SLCO3A1: variants seen among roughly 807,000 people sequenced by gnomAD.
SLCO3A1 encodes the protein solute carrier organic anion transporter family member 3A1, also known as PGE1 transporter.
A neutral mutation model predicts 63.1 loss-of-function variants in SLCO3A1; 27 were observed. The ratio of observed to expected loss-of-function variants is 0.43; its 90% CI spans 0.32 to 0.59. The LOEUF (loss-of-function observed/expected upper bound fraction) is 0.59, where lower values mean the gene tolerates loss of function less well. Ranked by LOEUF, SLCO3A1 falls within the 20% of genes least tolerant of loss-of-function variation. The probability of loss-of-function intolerance (pLI) is 0.09; values close to 1 mark genes in which losing one functional copy is unlikely to be tolerated. For synonymous variants in SLCO3A1, 473 were observed against 409.9 expected (o/e 1.15, Z -1.86); for missense variants, 773 against 945.8 (o/e 0.82, Z 2.40).
rs1255786193 is a variant in SLCO3A1 at position 91,875,933 on chromosome 15, T to C, written c.180+21845T>C. Among the ~76,000 whole-genome samples the C allele has an allele frequency of 1.3e-5, 2 of 152,194 alleles. No individual in the cohort carries two copies. Among genetic ancestry groups the C allele is most frequent in the Non-Finnish European group, 2.9e-5 (2 of 68,024 alleles). ...CCTAAAATAGCTGCTATCTGGCCTT[T>C]ACAGAAAAGGTTTGCTACCCCTGCT... is the stretch of plus-strand genomic sequence containing the variant. On this transcript the variant is annotated intron_variant, in intron 1 of 9. Coordinates refer to ENST00000318445, the MANE Select transcript of SLCO3A1 (RefSeq NM_013272.4). The surrounding 1 kb of genome is among the most constrained non-coding windows in gnomAD (Gnocchi z 4.5).
At chr15:92,002,661 T>C (rs1019754288) in intron 2 of SLCO3A1, among the ~76,000 whole-genome samples, 1 of 152,196 alleles carries the variant, frequency 6.6e-6, no homozygotes, top group African/African-American at 2.4e-5. Flanking sequence ...AAAGATATTC[T>C]CCGAAATTAG....
rs886521847 is a variant in SLCO3A1, at chr15:91,899,270, G to C, written c.181-16723G>C. Among the ~76,000 whole-genome samples the C allele has an allele frequency of 6.6e-5, 10 of 152,214 alleles. No homozygotes were observed. In the East Asian group the frequency reaches 9.6e-4, roughly 15 times the overall value. On this transcript the variant is annotated intron_variant, in intron 1 of 9. Transcript: ENST00000318445. ...CTTAGAAGGGAAGCTAGTTCAGTGT[G>C]GGGGGGATGGGGCTATTTTGCAGGC...
intron 2 of SLCO3A1, among the ~76,000 whole-genome samples, chr15:92,024,552 G>A (rs901318829): frequency 1.3e-5 from 2 of 152,208 alleles, no homozygotes; most frequent in South Asian, 2.1e-4. Context: ...ACCCACTCAT[G>A]TCTGCCTAAC....
At chr15:91,880,582 C>T (rs370329141) in intron 1 of SLCO3A1, among the ~76,000 whole-genome samples, 1 of 152,046 alleles carries the variant, frequency 6.6e-6, no homozygotes, top group Non-Finnish European at 1.5e-5. Context: ...TGTCATTTTA[C>T]GAATGTTACT....
Position 91,882,672 on chromosome 15 carries a change from A to G in SLCO3A1, c.180+28584A>G, listed in dbSNP as rs1317647380. On this transcript the variant is annotated intron_variant, in intron 1 of 9. Coordinates refer to ENST00000318445, the MANE Select transcript of SLCO3A1 (RefSeq NM_013272.4). The surrounding 1 kb of genome is among the most constrained non-coding windows in gnomAD (Gnocchi z 4.4). Reference sequence around the variant, plus strand: ...TGGGACCACAGGCGTATGCACCACCACCACGTCCAGCTAACTTTTTTGTAT... The same window carrying G: ...TGGGACCACAGGCGTATGCACCACCGCCACGTCCAGCTAACTTTTTTGTAT... 5.3e-5 allele frequency among the ~76,000 whole-genome samples: 8 copies of G among 152,094 alleles called. No homozygotes were observed. Among genetic ancestry groups the G allele is most frequent in the Non-Finnish European group, 1.0e-4 (7 of 67,988 alleles).
At chr15:92,137,955 C>T (rs2048080174) in intron 7 of SLCO3A1, among the ~76,000 whole-genome samples, 1 of 120,034 alleles carries the variant, frequency 8.3e-6, no homozygotes. Flanking sequence ...GTTTCTTTTG[C>T]TGTGCAGAAG....
At chr15:92,037,011 A>G (rs2046735955) in intron 2 of SLCO3A1, among the ~76,000 whole-genome samples, 1 of 152,172 alleles carries the variant, frequency 6.6e-6, no homozygotes, top group African/African-American at 2.4e-5. Context: ...GGGACTGGAC[A>G]CTGTTTTGAG....
At position 91,968,890 on chromosome 15, in the gene SLCO3A1, A is replaced by G. The variant is rs1900757345; in HGVS notation, c.646+52432A>G. On this transcript the variant is annotated intron_variant, in intron 2 of 9. Transcript: ENST00000318445. This position sits in a 1 kb window ranked among gnomAD's most constrained non-coding sequence, Gnocchi z 4.2. ...ATGGAGTCTCCTTTCTCTTTCCCCTACCCAGGGGATCTGGCAAACTCGTGT... is the reference window on the plus strand; with the variant it reads ...ATGGAGTCTCCTTTCTCTTTCCCCTGCCCAGGGGATCTGGCAAACTCGTGT... Among the ~76,000 whole-genome samples, 1 of 151,850 alleles carries G rather than the reference A, an allele frequency of 6.6e-6. No homozygotes were observed. The highest frequency in any genetic ancestry group is 1.5e-5 in the Non-Finnish European group (1 of 67,980).
intron 2 of SLCO3A1, among the ~76,000 whole-genome samples, chr15:92,071,818 C>G (rs538773720): frequency 6.6e-6 from 1 of 152,340 alleles, no homozygotes; most frequent in South Asian, 2.1e-4. Flanking sequence ...GCGGCTGTGT[C>G]TGTGTTTGCA....
chr15:92,071,146 G>C (rs73538281), intron 2 of SLCO3A1, among the ~76,000 whole-genome samples: 4,210 of 152,302 alleles, frequency 0.028, 176 homozygotes, highest in African/African-American at 0.091. Context: ...GAGGACTAGA[G>C]AGTGAGCAGG....
intron 1 of SLCO3A1, among the ~76,000 whole-genome samples, chr15:91,869,302 G>A (rs956843933): frequency 5.3e-5 from 8 of 152,108 alleles, no homozygotes; most frequent in African/African-American, 1.2e-4. Flanking sequence ...TTGGGAGGCC[G>A]AGGTGGGTGG....
intron 2 of SLCO3A1, among the ~76,000 whole-genome samples, chr15:91,970,827 A>C (rs1278746362): frequency 6.6e-6 from 1 of 152,126 alleles, no homozygotes; most frequent in Non-Finnish European, 1.5e-5. Context: ...CCACCTGTGT[A>C]CAAGGGGCGT....
intron 2 of SLCO3A1, among the ~76,000 whole-genome samples, chr15:92,022,706 A>G (rs1172009477): frequency 1.3e-5 from 2 of 152,224 alleles, no homozygotes; most frequent in Non-Finnish European, 2.9e-5. Flanking sequence ...GGTAAATGGT[A>G]TAATAGGTAG....
intron 2 of SLCO3A1, among the ~76,000 whole-genome samples, chr15:91,978,877 C>A (rs1901223313): frequency 6.6e-6 from 1 of 152,220 alleles, no homozygotes; most frequent in African/African-American, 2.4e-5. Flanking sequence ...CCATATCTGG[C>A]CCTTTACAGA....
intron 2 of SLCO3A1, among the ~76,000 whole-genome samples, chr15:92,072,186 A>T (rs1461920847): frequency 6.9e-6 from 1 of 145,598 alleles, no homozygotes. Context: ...AAGCGTAACC[A>T]CCATTCTTTT....
intron 2 of SLCO3A1, among the ~76,000 whole-genome samples, chr15:92,052,286 C>T (rs1182582252): frequency 1.3e-5 from 2 of 152,160 alleles, no homozygotes; most frequent in African/African-American, 4.8e-5. Flanking sequence ...CACTTTGAGC[C>T]TCTGTTCCCT....
intron 3 of SLCO3A1, among the ~76,000 whole-genome samples, chr15:92,097,068 A>G (rs1433419941): frequency 6.6e-6 from 1 of 152,302 alleles, no homozygotes; most frequent in African/African-American, 2.4e-5. Context: ...TCCTGATGCA[A>G]TGGGGAAGCC....
intron 3 of SLCO3A1, among the ~76,000 whole-genome samples, chr15:92,103,113 T>C (rs1278926000): frequency 1.3e-5 from 2 of 152,206 alleles, no homozygotes; most frequent in Non-Finnish European, 2.9e-5. Flanking sequence ...GAGAACATTT[T>C]ATGAGTGCTG....
At chr15:92,073,735 C>G (rs1337915794) in intron 2 of SLCO3A1, among the ~76,000 whole-genome samples, 1 of 152,234 alleles carries the variant, frequency 6.6e-6, no homozygotes, top group East Asian at 1.9e-4. Flanking sequence ...ATTGCAGGTT[C>G]AGTGGCATTT....
Sources: allele counts gnomAD v4.1 joint callset (sites outside exome capture counted in the v4.1 genomes callset), GRCh38; gene constraint gnomAD v4.1.1; non-coding constraint Gnocchi (gnomAD v3.1); transcripts MANE v1.5; gene names NCBI Gene and HGNC (gene_info 2026-07-23, HGNC 2026-07-21).